Variants in NCKAP5 observed in about 807,000 individuals in gnomAD.
NCKAP5 encodes the protein NCK associated protein 5, also known as nck-associated protein 5.
Under a neutral mutation model 167.0 loss-of-function variants are expected in NCKAP5, and 92 were observed. The ratio of observed to expected loss-of-function variants is 0.55; its 90% CI spans 0.47 to 0.66. NCKAP5 has a LOEUF of 0.66. Ranked by LOEUF, NCKAP5 falls within the 30% of genes least tolerant of loss-of-function variation. NCKAP5 has a pLI of 0.00. For synonymous variants in NCKAP5, 891 were observed against 877.4 expected (o/e 1.02, Z -0.27); for missense variants, 2,378 against 2,315.0 (o/e 1.03, Z -0.56).
At chr2:133,090,882 C>A (rs753142416) in intron 6 of NCKAP5, among the ~76,000 whole-genome samples, 1 of 152,126 alleles carries the variant, frequency 6.6e-6, no homozygotes, top group African/African-American at 2.4e-5. Flanking sequence ...GGTAATACCT[C>A]GCTGATGTGG....
intron 6 of NCKAP5, among the ~76,000 whole-genome samples, chr2:133,016,489 C>A (rs2078340543): frequency 6.6e-6 from 1 of 152,100 alleles, no homozygotes; most frequent in African/African-American, 2.4e-5. Flanking sequence ...CATAGCCTTC[C>A]CAAGAGATTT....
At chr2:133,658,617 G>A in the NCKAP5 span, among the ~76,000 whole-genome samples, 1 of 152,086 alleles carries the variant, frequency 6.6e-6, no homozygotes, top group Non-Finnish European at 1.5e-5. Flanking sequence ...ATCTGTTTCC[G>A]TATCGGGACC....
intron 4 of NCKAP5, chr2:133,265,156 A>G (rs77639683): frequency 0.13 from 19,807 of 152,142 alleles, 1,541 homozygotes; most frequent in Middle Eastern, 0.18. Flanking sequence ...TATTTTAGGT[A>G]CCTATGTATA....
chr2:132,984,081 ACTCT>A (rs936934132), intron 7 of NCKAP5, among the ~76,000 whole-genome samples: 1 of 151,502 alleles, frequency 6.6e-6, no homozygotes, highest in Non-Finnish European at 1.5e-5. Flanking sequence ...ACATAGTGAG[ACTCT>A]CTCTCTCTCT....
At chr2:132,768,873 T>C (rs1306898463) in intron 16 of NCKAP5, among the ~76,000 whole-genome samples, 1 of 151,136 alleles carries the variant, frequency 6.6e-6, no homozygotes, top group Non-Finnish European at 1.5e-5. Context: ...TCTCCTGACC[T>C]CGTGATCTGC....
chr2:133,474,797 A>AG (rs1228821391), intron 3 of NCKAP5, among the ~76,000 whole-genome samples: 22 of 136,960 alleles, frequency 1.6e-4, no homozygotes, highest in African/African-American at 7.2e-4. Flanking sequence ...CCAGAATTCT[A>AG]GGGTTTTTTT....
intron 8 of NCKAP5, among the ~76,000 whole-genome samples, chr2:132,947,804 C>A (rs898325043): frequency 6.6e-6 from 1 of 152,106 alleles, no homozygotes; most frequent in Non-Finnish European, 1.5e-5. Context: ...GGAGATTTCA[C>A]GATAGAGCAT....
chr2:133,388,745 C>T (rs1475699137), intron 3 of NCKAP5, among the ~76,000 whole-genome samples: 4 of 152,214 alleles, frequency 2.6e-5, no homozygotes, highest in Non-Finnish European at 1.5e-5. Flanking sequence ...GTGGGCGCCC[C>T]TCCCCCAGCC....
In NCKAP5 at chr2:133,136,407, T is replaced by A. The variant is rs181800950; in HGVS notation, c.208-6296A>T. Among the ~76,000 whole-genome samples the A allele has an allele frequency of 8.5e-4, 130 of 152,274 alleles. 1 individual carries two copies. Among genetic ancestry groups the A allele is most frequent in the African/African-American group, 2.8e-3 (115 of 41,550 alleles). ...CTAGCACCACATTATGTGGCATATATTTGACGAAACATATCAGGCATAACA... is the reference window on the plus strand; with the variant it reads ...CTAGCACCACATTATGTGGCATATAATTGACGAAACATATCAGGCATAACA... On this transcript the variant is annotated intron_variant, in intron 5 of 19. Coordinates refer to ENST00000409261, the MANE Select transcript of NCKAP5 (RefSeq NM_207363.3).
At chr2:133,061,597 A>G (rs2080004259) in intron 6 of NCKAP5, among the ~76,000 whole-genome samples, 1 of 152,266 alleles carries the variant, frequency 6.6e-6, no homozygotes, top group Non-Finnish European at 1.5e-5. Context: ...TCAAGAGCAC[A>G]GCTAGGACTT....
At chr2:132,995,384 C>T (rs1232163136) in intron 6 of NCKAP5, among the ~76,000 whole-genome samples, 1 of 149,794 alleles carries the variant, frequency 6.7e-6, no homozygotes, top group African/African-American at 2.5e-5. Context: ...GGCACGGTGG[C>T]TCATACCTGT....
intron 16 of NCKAP5, among the ~76,000 whole-genome samples, chr2:132,768,765 G>A (rs912707181): frequency 2.0e-5 from 3 of 147,950 alleles, no homozygotes; most frequent in Admixed American, 1.4e-4. Context: ...TCAGCCTCCC[G>A]AGTAGCTGGG....
chr2:133,187,731 A>C (rs1342870446), intron 5 of NCKAP5, among the ~76,000 whole-genome samples: 2 of 152,042 alleles, frequency 1.3e-5, no homozygotes, highest in African/African-American at 4.8e-5. Context: ...TTCCAGTGAG[A>C]TGGCCTTCTT....
At chr2:133,492,144 A>AGT (rs371797170) in intron 3 of NCKAP5, among the ~76,000 whole-genome samples, 7,337 of 141,622 alleles carry the variant, frequency 0.052, 270 homozygotes, top group South Asian at 0.095. Flanking sequence ...ATATCTAGTT[A>AGT]GTGTGTGTGT....
chr2:133,475,743 G>A (rs1181721652), intron 3 of NCKAP5, among the ~76,000 whole-genome samples: 1 of 152,120 alleles, frequency 6.6e-6, no homozygotes, highest in Non-Finnish European at 1.5e-5. Flanking sequence ...AACACTGGAA[G>A]GATTTAGATC....
Position 132,878,830 on chromosome 2 carries a change from C to A in NCKAP5, c.648+18G>T. On this transcript the variant is annotated intron_variant, in intron 9 of 19. Coordinates refer to ENST00000409261, the MANE Select transcript of NCKAP5 (RefSeq NM_207363.3). The stretch of plus-strand genomic sequence containing the variant: ...AACTAGTCCAGCCTTGGATCAGGAG[C>A]CTCTCCATCCCCCTTACCTCATCAA... 1 of 1,599,754 alleles carries A rather than the reference C, an allele frequency of 6.3e-7. No individual in the cohort carries two copies. Among genetic ancestry groups the A allele is most frequent in the South Asian group, 1.1e-5 (1 of 90,760 alleles).
At chr2:133,458,291 A>C (rs1320117277) in intron 3 of NCKAP5, among the ~76,000 whole-genome samples, 1 of 151,982 alleles carries the variant, frequency 6.6e-6, no homozygotes, top group Non-Finnish European at 1.5e-5. Context: ...GGAAAATGAA[A>C]CTCTTTCAAC....
chr2:133,517,141 C>A (rs146436984), intron 3 of NCKAP5, among the ~76,000 whole-genome samples: 1 of 152,184 alleles, frequency 6.6e-6, no homozygotes, highest in Non-Finnish European at 1.5e-5. Flanking sequence ...AACAACTATA[C>A]GTAGGCTTAG....
chr2:133,570,439 T>C (rs972761483), upstream of NCKAP5, among the ~76,000 whole-genome samples: 5 of 152,190 alleles, frequency 3.3e-5, no homozygotes, highest in African/African-American at 1.2e-4. Context: ...TGAATGAATG[T>C]TGATGAAGTT....
Sources: allele counts gnomAD v4.1 joint callset (sites outside exome capture counted in the v4.1 genomes callset), GRCh38; gene constraint gnomAD v4.1.1; transcripts MANE v1.5; gene names NCBI Gene and HGNC (gene_info 2026-07-23, HGNC 2026-07-21).